The following VIPR2 variants were observed in gnomAD, a reference collection of about 807,000 sequenced individuals.
VIPR2 encodes the protein vasoactive intestinal peptide receptor 2, also known as vasoactive intestinal polypeptide receptor 2.
Under a neutral mutation model 58.0 loss-of-function variants are expected in VIPR2, and 48 were observed. The ratio of observed to expected loss-of-function variants is 0.83; its 90% confidence interval spans 0.66 to 1.05. The LOEUF (loss-of-function observed/expected upper bound fraction) is 1.05, where lower values mean the gene tolerates loss of function less well. Ranked by LOEUF, VIPR2 falls within the 50% of genes least tolerant of loss-of-function variation. The pLI is 0.00. For synonymous variants in VIPR2, 243 were observed against 235.2 expected (o/e 1.03, Z -0.30); for missense variants, 534 against 558.0 (o/e 0.96, Z 0.43).
At chr7:159,050,354 C>CAAAAAAAAAAACAAAAAAAAAA (rs1854917943) in intron 5 of VIPR2, among the ~76,000 whole-genome samples, 2 of 139,164 alleles carry the variant, frequency 1.4e-5, no homozygotes, top group African/African-American at 2.7e-5. Flanking sequence ...CACAAAAAAA[C>CAAAAAAAAAAACAAAAAAAAAA]AAAAAAAAAA....
At position 159,035,971 on chromosome 7, in the gene VIPR2, G is replaced by A. The variant is rs140691706; in HGVS notation, c.790C>T (p.Leu264Phe). ...ACTCACCCGGTGTCTTCTAAGTAGA[G>A]CCTGGCCGCAGTCCATGCACCGATG... ...VCIGAWTAAR[L>F]YLEDTGCWDT... The change falls in exon 8 of 13, where the codon CTC becomes TTC. Residue 264 changes from leucine (L) to phenylalanine (F), a missense_variant. Physicochemically the swap from Leu to Phe is conservative, Grantham distance 22. Coordinates refer to ENST00000262178, the MANE Select transcript of VIPR2 (RefSeq NM_003382.5). 7.7e-5 allele frequency: 125 copies of A among 1,613,672 alleles called. No individual in the cohort carries two copies. Among genetic ancestry groups the A allele is most frequent in the Non-Finnish European group, 1.1e-4 (124 of 1,179,898 alleles).
rs550593756 is a variant in VIPR2 at position 159,031,615 on chromosome 7, G to A, written c.1143+213C>T. 2 of 985,456 alleles carry A rather than the reference G, an allele frequency of 2.0e-6. No individual in the cohort carries two copies. Among genetic ancestry groups the A allele is most frequent in the South Asian group, 4.7e-5 (1 of 21,284 alleles). The allele number at this position is 985,456 out of a possible 1,614,324, so 61.0% of individuals were successfully genotyped here. A position where few individuals can be genotyped will look rare whatever the true frequency, so the allele number is the denominator to read the frequency against. On this transcript the variant is annotated intron_variant, in intron 12 of 12. Transcript: ENST00000262178. The surrounding 1 kb of genome is among the most constrained non-coding windows in gnomAD (Gnocchi z 4.0). Reference sequence around the variant, plus strand: ...CAGTCGATGCTACTTAGGGTGGACGGAAGGACGGCGGGGTTTGGAAGCTGG... The same window carrying A: ...CAGTCGATGCTACTTAGGGTGGACGAAAGGACGGCGGGGTTTGGAAGCTGG...
chr7:159,142,697 G>T, intron 1 of VIPR2, 152 bp from the exon 2 acceptor site: 1 of 544,214 alleles, frequency 1.8e-6, no homozygotes, highest in Non-Finnish European at 3.2e-6. Flanking sequence ...GATTTTTCTG[G>T]CATTTTTTAA....
Position 159,106,493 on chromosome 7 carries a change from G to GGGAGGGGCAGAGAGAGGCCAA in VIPR2, c.260-2660_260-2640dup, listed in dbSNP as rs1189508206. ...GCCAGGAAGGGGCAGAGAGAGGCCG[G>GGGAGGGGCAGAGAGAGGCCAA]GGAGGGGCAGAGAGAGGCCAAGGAG... On this transcript the variant is annotated intron_variant, in intron 3 of 12. Coordinates refer to ENST00000262178, the MANE Select transcript of VIPR2 (RefSeq NM_003382.5). Among the ~76,000 whole-genome samples, 5 of 148,916 alleles carry GGGAGGGGCAGAGAGAGGCCAA rather than the reference G, an allele frequency of 3.4e-5. No homozygotes were observed. In the South Asian group the frequency reaches 1.1e-3, roughly 33 times the overall value.
At chr7:159,103,371 A>G (rs947041942) in intron 4 of VIPR2, among the ~76,000 whole-genome samples, 2 of 152,178 alleles carry the variant, frequency 1.3e-5, no homozygotes, top group African/African-American at 2.4e-5. Flanking sequence ...TGACTTCTCA[A>G]TGCCCCAGAA....
rs185052423 is a variant in VIPR2 at position 159,036,662 on chromosome 7, G to A, written c.748+90C>T. 1.1e-3 allele frequency: 1,644 copies of A among 1,461,642 alleles called. 7 individuals carry two copies. Among genetic ancestry groups the A allele is most frequent in the African/African-American group, 9.6e-4 (69 of 71,522 alleles). 90.5% of individuals were successfully genotyped at this position (1,461,642 alleles called of 1,614,324 possible). ...ACCCTGACATGCATTCTACGGGGGC[G>A]GCAAAGTGTTTTCTGAGCTGAAAAT... On this transcript the variant is annotated intron_variant, in intron 7 of 12. Coordinates refer to ENST00000262178, the MANE Select transcript of VIPR2 (RefSeq NM_003382.5).
rs535877528 is a variant in VIPR2, at chr7:159,088,820, T to C, written c.357+14937A>G. ...ACAATCCCAGTGCCTCAGGCCTCGG[T>C]TCCTCATCTGGGGAATGGGAATAGC... On this transcript the variant is annotated intron_variant, in intron 4 of 12. Coordinates refer to ENST00000262178, the MANE Select transcript of VIPR2 (RefSeq NM_003382.5). Among the ~76,000 whole-genome samples the C allele has an allele frequency of 9.8e-3, 1,305 of 132,552 alleles. 25 individuals carry two copies. The highest frequency in any genetic ancestry group is 0.032 in the African/African-American group (1,136 of 35,044). The allele number at this position is 132,552 out of a possible 152,430, so 87.0% of individuals were successfully genotyped here. A position where few individuals can be genotyped will look rare whatever the true frequency, so the allele number is the denominator to read the frequency against.
In VIPR2 at chr7:159,137,600, C is replaced by G. The variant is rs576053127; in HGVS notation, c.151+4846G>C. ...TAATCAGGCTTGTCTTGAACTCCTGCCTTCAAGTTACCCTCCTGCCTCGAT... is the reference window on the plus strand; with the variant it reads ...TAATCAGGCTTGTCTTGAACTCCTGGCTTCAAGTTACCCTCCTGCCTCGAT... On this transcript the variant is annotated intron_variant, in intron 2 of 12. Coordinates refer to ENST00000262178, the MANE Select transcript of VIPR2 (RefSeq NM_003382.5). Among the ~76,000 whole-genome samples, 9 of 152,288 alleles carry G rather than the reference C, an allele frequency of 5.9e-5. No individual in the cohort carries two copies. The South Asian group carries it at 1.9e-3, about 32-fold the overall frequency.
At chr7:159,039,231 G>A (rs1854166749) in intron 6 of VIPR2, among the ~76,000 whole-genome samples, 1 of 152,216 alleles carries the variant, frequency 6.6e-6, no homozygotes, top group Admixed American at 6.5e-5. Flanking sequence ...GGCCAAGGCG[G>A]GGGGATCACT....
intron 4 of VIPR2, among the ~76,000 whole-genome samples, chr7:159,063,320 C>T (rs1302226452): frequency 1.3e-5 from 2 of 152,164 alleles, no homozygotes; most frequent in African/African-American, 4.8e-5. Context: ...AATTCGAGCA[C>T]ACTGCCAGCA....
chr7:159,142,374 C>G, intron 2 of VIPR2, 72 bp downstream of exon 2: 1 of 1,161,960 alleles, frequency 8.6e-7, no homozygotes, highest in Non-Finnish European at 1.3e-6. Context: ...TGACCCTGAA[C>G]CACAGCTGAG....
Position 159,096,688 on chromosome 7 carries a change from A to C in VIPR2, c.357+7069T>G. 1.6e-6 allele frequency: 2 copies of C among 1,228,456 alleles called. No homozygotes were observed. Among genetic ancestry groups the C allele is most frequent in the Non-Finnish European group, 2.1e-6 (2 of 935,870 alleles). 76.1% of individuals were successfully genotyped at this position (1,228,456 alleles called of 1,614,324 possible). On this transcript the variant is annotated intron_variant, in intron 4 of 12. Transcript: ENST00000262178. This position sits in a 1 kb window ranked among gnomAD's most constrained non-coding sequence, Gnocchi z 5.5. ...AGCATCACATGCACAGGTTAAAACTAAACAGCAGAAAAGTGCTCATAATCC... is the reference window on the plus strand; with the variant it reads ...AGCATCACATGCACAGGTTAAAACTCAACAGCAGAAAAGTGCTCATAATCC...
At position 159,144,758 on chromosome 7, in the gene VIPR2, A is replaced by G. The variant is rs1797623465; in HGVS notation, c.14T>C (p.Leu5Pro). 1.6e-6 allele frequency: 2 copies of G among 1,269,020 alleles called. No homozygotes were observed. Among genetic ancestry groups the G allele is most frequent in the South Asian group, 3.0e-5 (1 of 33,386 alleles). The allele number at this position is 1,269,020 out of a possible 1,614,324, so 78.6% of individuals were successfully genotyped here. A position where few individuals can be genotyped will look rare whatever the true frequency, so the allele number is the denominator to read the frequency against. Residue 5 changes from leucine to proline, a missense_variant, in exon 1 of 13, where the codon CTG (leucine) becomes CCG (proline). Around this residue, in one of 3 missense-constraint regions of VIPR2, gnomAD observed 224 missense variants for 255.7 expected, o/e 0.88. Coordinates refer to ENST00000262178, the MANE Select transcript of VIPR2 (RefSeq NM_003382.5). ...CCAGCAGGTCAGCAGCGCGGGAGGCAGCAGCGTCCGCATCCCGAGCTCAGC... is the reference window on the plus strand; with the variant it reads ...CCAGCAGGTCAGCAGCGCGGGAGGCGGCAGCGTCCGCATCCCGAGCTCAGC... MRTL[L>P]PPALLTCWLL...
rs764446400 is a variant in VIPR2 at position 159,034,317 on chromosome 7, T to A, written c.880-13A>T. On this transcript the variant is annotated splice_polypyrimidine_tract_variant and intron_variant, in intron 9 of 12. Coordinates refer to ENST00000262178, the MANE Select transcript of VIPR2 (RefSeq NM_003382.5). ...GGACAAAATTGACCTGCACAAGAGATAATAAGTTTGTGAAACAGACACGTG... is the reference window on the plus strand; with the variant it reads ...GGACAAAATTGACCTGCACAAGAGAAAATAAGTTTGTGAAACAGACACGTG... 6.2e-7 allele frequency: 1 copy of A among 1,612,676 alleles called. No individual in the cohort carries two copies. Among genetic ancestry groups the A allele is most frequent in the South Asian group, 1.1e-5 (1 of 90,962 alleles).
chr7:159,091,022 C>T (rs958874807), intron 4 of VIPR2, among the ~76,000 whole-genome samples: 24 of 151,648 alleles, frequency 1.6e-4, no homozygotes, highest in Admixed American at 5.9e-4. Flanking sequence ...GCTGGGACCA[C>T]GCACAGGGGC....
chr7:159,129,021 C>T lies in VIPR2; in HGVS notation c.151+13425G>A, dbSNP rs570439054. Among the ~76,000 whole-genome samples the T allele has an allele frequency of 6.6e-4, 100 of 152,360 alleles. 1 individual carries two copies. The highest frequency in any genetic ancestry group is 2.4e-3 in the African/African-American group (98 of 41,580). On this transcript the variant is annotated intron_variant, in intron 2 of 12. Transcript: ENST00000262178. Reference sequence around the variant, plus strand: ...CACAGCACATTTTGGTGCCAGGAGACGTGGTCTTGGGGGCAATGGCACGCA... The same window carrying T: ...CACAGCACATTTTGGTGCCAGGAGATGTGGTCTTGGGGGCAATGGCACGCA...
chr7:159,138,356 G>A (rs1232797557), intron 2 of VIPR2, among the ~76,000 whole-genome samples: 2 of 152,224 alleles, frequency 1.3e-5, no homozygotes, highest in African/African-American at 4.8e-5. Context: ...GAATGAGAAA[G>A]TGGGCTAAAA....
chr7:159,039,089 G>A (rs950680771), intron 6 of VIPR2, among the ~76,000 whole-genome samples: 1 of 152,206 alleles, frequency 6.6e-6, no homozygotes, highest in Non-Finnish European at 1.5e-5. Context: ...GGGCTCTGGT[G>A]TGATCCCACG....
chr7:159,075,156 A>T (rs1856574294), intron 4 of VIPR2, among the ~76,000 whole-genome samples: 1 of 152,232 alleles, frequency 6.6e-6, no homozygotes, highest in Non-Finnish European at 1.5e-5. Flanking sequence ...CCACTGTTAA[A>T]TAAGAATAAA....
Sources: gnomAD v4.1 joint callset for allele counts (sites outside exome capture counted in the v4.1 genomes callset) on GRCh38, gnomAD v4.1.1 for gene constraint, gnomAD v4.1.1 regional missense constraint, Gnocchi (gnomAD v3.1) non-coding constraint, MANE v1.5 for transcripts, NCBI Gene and HGNC (gene_info 2026-07-23, HGNC 2026-07-21) for gene names.